ADIPOR1: variants seen among roughly 807,000 people sequenced by gnomAD.
The protein encoded by ADIPOR1 is adiponectin receptor protein 1.
ADIPOR1 carries 15 observed loss-of-function variants against 37.5 expected under a neutral mutation model. The observed-to-expected ratio is 0.40, with a 90% CI of 0.27 to 0.62. ADIPOR1 has a LOEUF of 0.62. Ranked by LOEUF, ADIPOR1 falls within the 20% of genes least tolerant of loss-of-function variation. The pLI is 0.42. For missense variants in ADIPOR1, 286 were observed against 478.0 expected (o/e 0.60, Z 3.75); for synonymous variants, 173 against 173.2 (o/e 1.00, Z 0.01).
At chr1:202,944,908 T>C in intron 5 of ADIPOR1, 75 bp downstream of exon 5, 1 of 1,392,576 alleles carries the variant, frequency 7.2e-7, no homozygotes, top group Non-Finnish European at 9.8e-7. Context: ...TGAGCTCCTA[T>C]CACCCAGTAA....
intron 1 of ADIPOR1, among the ~76,000 whole-genome samples, 174 bp downstream of exon 1, chr1:202,958,011 T>C (rs989835009): frequency 2.6e-5 from 4 of 152,140 alleles, no homozygotes; most frequent in Non-Finnish European, 5.9e-5. Flanking sequence ...GTTTACAACC[T>C]GACCGGCTGG....
At position 202,946,505 on chromosome 1, in the gene ADIPOR1, G is replaced by T; in HGVS notation, c.364C>A (p.Arg122=). 1 of 1,614,050 alleles carries T rather than the reference G, an allele frequency of 6.2e-7. No individual in the cohort carries two copies. The highest frequency in any genetic ancestry group is 8.5e-7 in the Non-Finnish European group (1 of 1,180,028). ...HGHRPPMPSF[R]ACFKSIFRIH... ...CGGAAGATGCTCTTGAAGCAAGCCC[G>T]AAAGGAGGGCATGGGAGGTCTATGA... is the stretch of plus-strand genomic sequence containing the variant. The change falls in exon 4 of 8, where the codon CGG becomes AGG. Residue 122 remains arginine, a synonymous_variant. Coordinates refer to ENST00000340990, the MANE Select transcript of ADIPOR1 (RefSeq NM_015999.6).
chr1:202,952,444 T>C (rs1008071203), intron 1 of ADIPOR1, among the ~76,000 whole-genome samples: 11 of 152,222 alleles, frequency 7.2e-5, no homozygotes, highest in African/African-American at 2.7e-4. Context: ...ATTCACTATA[T>C]ACAAATATCT....
chr1:202,944,831 C>T (rs1242631514), intron 5 of ADIPOR1, 152 bp downstream of exon 5: 3 of 681,134 alleles, frequency 4.4e-6, no homozygotes, highest in East Asian at 5.1e-5. Flanking sequence ...AAAGCTTCAT[C>T]ACCCCACTAT....
Position 202,950,934 on chromosome 1 carries a change from G to C in ADIPOR1, c.137C>G (p.Pro46Arg). 6.2e-7 allele frequency: 1 copy of C among 1,614,164 alleles called. No homozygotes were observed. Among genetic ancestry groups the C allele is most frequent in the Non-Finnish European group, 8.5e-7 (1 of 1,180,022 alleles). ...ACTCCTGGGAAGATGACTTACTTTG[G>C]GTGGGTTGGCGATTACCCGTTTGCC... ...EKGKRVIANP[P>R]KAEEEQTCPV... is the part of the protein sequence containing the mutation. Residue 46 changes from proline to arginine, a missense_variant, in exon 2 of 8, where the codon CCC (proline) becomes CGC (arginine). Pro to Arg is a moderately radical substitution (Grantham distance 103). Transcript: ENST00000340990.
At chr1:202,949,061 G>C (rs1654450833) in intron 2 of ADIPOR1, among the ~76,000 whole-genome samples, 2 of 151,626 alleles carry the variant, frequency 1.3e-5, no homozygotes, top group Admixed American at 6.6e-5. Flanking sequence ...AAAGTGCTGG[G>C]ATTACAGGCT....
intron 2 of ADIPOR1, among the ~76,000 whole-genome samples, chr1:202,949,592 A>AAAAAAAAAAAAAAAC (rs1386405820): frequency 3.3e-5 from 5 of 150,470 alleles, no homozygotes; most frequent in African/African-American, 1.2e-4. Flanking sequence ...AAAAAAAAAA[A>AAAAAAAAAAAAAAAC]AAAAACACAC....
chr1:202,947,427 CAGG>C (rs1194786018), intron 3 of ADIPOR1, among the ~76,000 whole-genome samples: 4 of 152,090 alleles, frequency 2.6e-5, no homozygotes, highest in African/African-American at 9.7e-5. Flanking sequence ...GAGGCTGAGG[CAGG>C]AGAAGTGCTT....
chr1:202,950,585 G>T (rs892828371), intron 2 of ADIPOR1, among the ~76,000 whole-genome samples: 2 of 152,080 alleles, frequency 1.3e-5, no homozygotes, highest in African/African-American at 4.8e-5. Flanking sequence ...TTGCTTGAGA[G>T]ACTTCTGTCC....
chr1:202,948,263 G>T, intron 3 of ADIPOR1, 41 bp downstream of exon 3: 2 of 1,502,298 alleles, frequency 1.3e-6, no homozygotes, highest in African/African-American at 1.4e-5. Context: ...AGACAGGCCT[G>T]CTGCCCTTCC....
intron 5 of ADIPOR1, 133 bp from the exon 6 acceptor site, chr1:202,944,078 C>A: frequency 1.3e-6 from 1 of 758,348 alleles, no homozygotes; most frequent in Non-Finnish European, 2.1e-6. Flanking sequence ...ATTGTAGACT[C>A]CCATACAATC....
chr1:202,949,869 C>T (rs180951598), intron 2 of ADIPOR1, among the ~76,000 whole-genome samples: 135 of 152,296 alleles, frequency 8.9e-4, no homozygotes, highest in Non-Finnish European at 1.6e-3. Flanking sequence ...CAATTTTACT[C>T]AGGCTGCACT....
intron 1 of ADIPOR1, among the ~76,000 whole-genome samples, chr1:202,952,044 A>C (rs188630448): frequency 6.6e-6 from 1 of 152,186 alleles, no homozygotes; most frequent in Non-Finnish European, 1.5e-5. Context: ...CAGACACTTT[A>C]GGTTTTCCTG....
Position 202,941,513 on chromosome 1 carries a change from A to G in ADIPOR1, c.*60T>C. 2 of 1,560,754 alleles carry G rather than the reference A, an allele frequency of 1.3e-6. No individual in the cohort carries two copies. Among genetic ancestry groups the G allele is most frequent in the South Asian group, 1.2e-5 (1 of 82,874 alleles). ...CTCAGACTCTTCCTCTCACTTCAGC[A>G]AAGAAGTTATTTTTAAAAGCACTTG... On this transcript the variant is annotated 3_prime_UTR_variant, in exon 8 of 8. Transcript: ENST00000340990.
intron 3 of ADIPOR1, among the ~76,000 whole-genome samples, chr1:202,947,043 C>T (rs563732832): frequency 6.6e-6 from 1 of 151,818 alleles, no homozygotes; most frequent in Admixed American, 6.6e-5. Flanking sequence ...TTGAACCTGG[C>T]GGGCGGGGGT....
chr1:202,944,794 A>C, intron 5 of ADIPOR1, 189 bp downstream of exon 5: 2 of 487,058 alleles, frequency 4.1e-6, no homozygotes, highest in Non-Finnish European at 3.7e-6. Context: ...AGGATGCAGT[A>C]AGTCTGTTCA....
chr1:202,948,413 T>G lies in ADIPOR1; in HGVS notation c.149A>C (p.Glu50Ala). Residue 50 changes from glutamate to alanine, a missense_variant, in exon 3 of 8, where the codon GAA (glutamate) becomes GCA (alanine). Physicochemically the swap from Glu to Ala is moderately radical, Grantham distance 107. Transcript: ENST00000340990. ...CTGGGGCACTGGGCATGTTTGCTCT[T>G]CTTCAGCCTATGGGGGAAAAAACCC... ...RVIANPPKAE[E>A]EQTCPVPQEE... 6.2e-7 allele frequency: 1 copy of G among 1,613,832 alleles called. No homozygotes were observed. The highest frequency in any genetic ancestry group is 1.3e-5 in the African/African-American group (1 of 74,994).
In ADIPOR1 at chr1:202,950,944, C is replaced by A; in HGVS notation, c.127G>T (p.Ala43Ser). 1 of 1,614,082 alleles carries A rather than the reference C, an allele frequency of 6.2e-7. No homozygotes were observed. The highest frequency in any genetic ancestry group is 1.3e-5 in the African/African-American group (1 of 75,012). The stretch of plus-strand genomic sequence containing the variant: ...AGATGACTTACTTTGGGTGGGTTGG[C>A]GATTACCCGTTTGCCCTTCTCTTCT... ...LLEEKGKRVIANPPKAEEEQT... is the reference protein window; with the variant it reads ...LLEEKGKRVISNPPKAEEEQT... The change falls in exon 2 of 8, where the codon GCC (alanine) becomes TCC (serine). Residue 43 changes from alanine to serine, a missense_variant. Coordinates refer to ENST00000340990, the MANE Select transcript of ADIPOR1 (RefSeq NM_015999.6).
chr1:202,945,207 AAG>A, intron 4 of ADIPOR1, 38 bp from the exon 5 acceptor site: 1 of 1,530,968 alleles, frequency 6.5e-7, no homozygotes, highest in Non-Finnish European at 8.8e-7. Flanking sequence ...TGTAAGAAAA[AAG>A]GGAATGTGTA....
Sources: allele counts gnomAD v4.1 joint callset (sites outside exome capture counted in the v4.1 genomes callset), GRCh38; gene constraint gnomAD v4.1.1; transcripts MANE v1.5; gene names NCBI Gene and HGNC (gene_info 2026-07-23, HGNC 2026-07-21).